Variants in ZNF438 observed in about 807,000 individuals in gnomAD.
ZNF438 encodes the protein zinc finger protein 438.
Under a neutral mutation model 38.0 loss-of-function variants are expected in ZNF438, and 25 were observed. The observed-to-expected ratio is 0.66, with a 90% confidence interval of 0.48 to 0.92. The LOEUF (loss-of-function observed/expected upper bound fraction) is 0.92, where lower values mean the gene tolerates loss of function less well. Among genes scored for constraint, ZNF438 ranks in the 40% least tolerant of loss-of-function variants. ZNF438 has a pLI of 0.00. For missense variants in ZNF438, 1,007 were observed against 999.6 expected (o/e 1.01, Z -0.10); for synonymous variants, 372 against 364.1 (o/e 1.02, Z -0.25).
At chr10:30,947,799 C>T (rs1014972263) in intron 1 of ZNF438, among the ~76,000 whole-genome samples, 1 of 152,208 alleles carries the variant, frequency 6.6e-6, no homozygotes, top group Non-Finnish European at 1.5e-5. Context: ...CAGGTGCCAT[C>T]TGTCACCCCT....
At chr10:30,966,563 G>A (rs1468174427) in intron 1 of ZNF438, among the ~76,000 whole-genome samples, 7 of 151,638 alleles carry the variant, frequency 4.6e-5, no homozygotes, top group South Asian at 2.1e-4. Context: ...TCAGCTACTC[G>A]GGAGGCTGAG....
At chr10:30,854,115 C>G (rs558964761) in intron 4 of ZNF438, among the ~76,000 whole-genome samples, 3 of 152,046 alleles carry the variant, frequency 2.0e-5, no homozygotes, top group Non-Finnish European at 2.9e-5. Context: ...GTCAGCAGAT[C>G]GAGACCATCC....
chr10:30,924,041 T>G (rs2044629175), intron 2 of ZNF438, among the ~76,000 whole-genome samples: 2 of 152,238 alleles, frequency 1.3e-5, no homozygotes, highest in African/African-American at 4.8e-5. Flanking sequence ...ACAAAAGTTA[T>G]TTGTAGTATG....
intron 1 of ZNF438, among the ~76,000 whole-genome samples, chr10:31,022,835 A>G (rs1280646185): frequency 2.0e-5 from 3 of 152,224 alleles, no homozygotes; most frequent in Non-Finnish European, 2.9e-5. Context: ...TTTGAAAGGA[A>G]AATGCTTCCA....
At chr10:30,851,772 T>G (rs2033676628) in intron 4 of ZNF438, among the ~76,000 whole-genome samples, 1 of 152,226 alleles carries the variant, frequency 6.6e-6, no homozygotes, top group Admixed American at 6.5e-5. Context: ...TTTCAGAGTT[T>G]TTTAGATTTT....
Position 31,012,050 on chromosome 10 carries a change from C to T in ZNF438, c.-192+19783G>A, listed in dbSNP as rs1589716714. On this transcript the variant is annotated intron_variant, in intron 1 of 5. Coordinates refer to ENST00000413025, the Ensembl canonical transcript of ZNF438. ...GCTCTCAGACATCTGCATTGCTGTG[C>T]CCCTGATAACACTCATGTCTCTGCT... 3.3e-5 allele frequency among the ~76,000 whole-genome samples: 5 copies of T among 152,282 alleles called. No homozygotes were observed. The South Asian group carries it at 1.0e-3, about 32-fold the overall frequency.
chr10:30,908,367 G>A (rs1589138148), intron 3 of ZNF438, among the ~76,000 whole-genome samples: 2 of 152,314 alleles, frequency 1.3e-5, no homozygotes, highest in South Asian at 4.1e-4. Context: ...TTCTACAGAT[G>A]TCTGTTAGGT....
chr10:30,851,736 T>G (rs762866627), intron 4 of ZNF438, among the ~76,000 whole-genome samples: 6 of 152,252 alleles, frequency 3.9e-5, no homozygotes, highest in Non-Finnish European at 7.3e-5. Flanking sequence ...TGAATGAGTT[T>G]GTAACAACTT....
At chr10:30,876,060 G>A (rs1224990303) in intron 4 of ZNF438, among the ~76,000 whole-genome samples, 1 of 152,204 alleles carries the variant, frequency 6.6e-6, no homozygotes, top group Non-Finnish European at 1.5e-5. Flanking sequence ...GGAAGCTGAG[G>A]TCAAGTGATA....
chr10:30,858,669 C>G (rs143342070), intron 4 of ZNF438, among the ~76,000 whole-genome samples: 2 of 152,350 alleles, frequency 1.3e-5, no homozygotes, highest in East Asian at 1.9e-4. Flanking sequence ...CATCATGTCT[C>G]AGACCTAAGT....
chr10:31,014,791 C>T (rs1235703489), intron 1 of ZNF438, among the ~76,000 whole-genome samples: 1 of 152,032 alleles, frequency 6.6e-6, no homozygotes, highest in Non-Finnish European at 1.5e-5. Flanking sequence ...ATACAGTAAA[C>T]ATGCAATAAA....
chr10:30,849,624 C>T, exon 5 of ZNF438: 1 of 1,614,134 alleles, frequency 6.2e-7, no homozygotes, highest in South Asian at 1.1e-5. Context: ...TCAACTTGTT[C>T]TTTAAATTTT....
At chr10:30,986,029 C>G (rs1017692835) in intron 1 of ZNF438, among the ~76,000 whole-genome samples, 1 of 152,078 alleles carries the variant, frequency 6.6e-6, no homozygotes, top group African/African-American at 2.4e-5. Flanking sequence ...CAATTGCCTA[C>G]GAATTCAGTA....
chr10:30,849,015 G>C lies in ZNF438; in HGVS notation c.1390C>G (p.Leu464Val), dbSNP rs370526414. 62 of 1,614,008 alleles carry C rather than the reference G, an allele frequency of 3.8e-5. No homozygotes were observed. The highest frequency in any genetic ancestry group is 4.6e-5 in the Non-Finnish European group (54 of 1,180,032). Reference sequence around the variant, plus strand: ...TTATTTAACAAAACATCCTGTCCTAGGCCCCCAAGCATCTGGGACTGTAGT... The same window carrying C: ...TTATTTAACAAAACATCCTGTCCTACGCCCCCAAGCATCTGGGACTGTAGT... The change falls in exon 5 of 6, where the codon CTA becomes GTA. Residue 464 changes from leucine (L) to valine (V), a missense_variant. Leu to Val is a conservative substitution (Grantham distance 32). Coordinates refer to ENST00000413025, the Ensembl canonical transcript of ZNF438.
At chr10:31,012,823 G>T (rs1303766563) in intron 1 of ZNF438, among the ~76,000 whole-genome samples, 1 of 152,158 alleles carries the variant, frequency 6.6e-6, no homozygotes, top group African/African-American at 2.4e-5. Context: ...CCCCAACAAT[G>T]CCAGAAAGGA....
chr10:30,912,884 C>G (rs2043222804), intron 2 of ZNF438, among the ~76,000 whole-genome samples: 1 of 152,114 alleles, frequency 6.6e-6, no homozygotes, highest in Non-Finnish European at 1.5e-5. Flanking sequence ...TGATCTGCTG[C>G]TGGAATTCCC....
chr10:30,901,259 C>T (rs117047033), intron 3 of ZNF438, among the ~76,000 whole-genome samples: 1,987 of 152,262 alleles, frequency 0.013, 18 homozygotes, highest in Non-Finnish European at 0.019. Flanking sequence ...CATATGAAAA[C>T]GATTTTAGGG....
At chr10:30,845,480 A>G in exon 6 of ZNF438, 1 of 1,614,182 alleles carries the variant, frequency 6.2e-7, no homozygotes, top group Non-Finnish European at 8.5e-7. Context: ...CAAAAGACTG[A>G]GCAGTAATCT....
At chr10:30,858,590 T>C (rs2035076131) in intron 4 of ZNF438, among the ~76,000 whole-genome samples, 1 of 152,216 alleles carries the variant, frequency 6.6e-6, no homozygotes, top group Non-Finnish European at 1.5e-5. Flanking sequence ...TGTTCTTTTG[T>C]TTCTAAGGAC....
Sources: gnomAD v4.1 joint callset for allele counts (sites outside exome capture counted in the v4.1 genomes callset) on GRCh38, gnomAD v4.1.1 for gene constraint, MANE v1.5 for transcripts, NCBI Gene and HGNC (gene_info 2026-07-23, HGNC 2026-07-21) for gene names.